The following ZNF729 variants were observed in gnomAD, a reference collection of about 807,000 sequenced individuals.
ZNF729 encodes zinc finger protein 729.
In ZNF729, 15 loss-of-function variants were observed where a neutral mutation model predicts 12.2. That is an observed-to-expected ratio of 1.23 (90% confidence interval 0.82 to 1.89). The LOEUF (loss-of-function observed/expected upper bound fraction) is 1.89, where lower values mean the gene tolerates loss of function less well. Ranked by LOEUF, ZNF729 falls within the 40% of genes most tolerant of loss-of-function variation. The pLI is 0.00. For synonymous variants in ZNF729, 492 were observed against 476.3 expected (o/e 1.03, Z -0.43); for missense variants, 1,540 against 1,456.7 (o/e 1.06, Z -0.93).
At chr19:22,294,645 T>TC (rs1228087383) in intron 1 of ZNF729, among the ~76,000 whole-genome samples, 1 of 144,176 alleles carries the variant, frequency 6.9e-6, no homozygotes, top group Admixed American at 7.0e-5. Flanking sequence ...CTTTTTTTTT[T>TC]TTTTTCTTTT....
At chr19:22,287,955 C>T (rs1968102774) in intron 1 of ZNF729, among the ~76,000 whole-genome samples, 1 of 151,486 alleles carries the variant, frequency 6.6e-6, no homozygotes, top group African/African-American at 2.4e-5. Flanking sequence ...AAGCAATTCT[C>T]CTGCCTCAAC....
At chr19:22,309,151 A>C (rs375754452) in intron 3 of ZNF729, among the ~76,000 whole-genome samples, 73 of 152,300 alleles carry the variant, frequency 4.8e-4, no homozygotes, top group African/African-American at 1.6e-3. Flanking sequence ...CCATTTGTTG[A>C]AAAGAGTATC....
chr19:22,293,475 C>G (rs182722175), intron 1 of ZNF729, among the ~76,000 whole-genome samples: 41 of 143,686 alleles, frequency 2.9e-4, no homozygotes, highest in African/African-American at 1.1e-3. Flanking sequence ...CGTGAGCCAC[C>G]ACTCCTAGCC....
chr19:22,304,019 A>T (rs111791096), intron 2 of ZNF729, 135 bp downstream of exon 2: 3 of 785,752 alleles, frequency 3.8e-6, no homozygotes, highest in Non-Finnish European at 3.6e-6. Context: ...ACAGGGATTT[A>T]TAAGTGTAGA....
chr19:22,313,606 G>T, intron 3 of ZNF729, 65 bp from the exon 4 acceptor site: 1 of 1,359,498 alleles, frequency 7.4e-7, no homozygotes, highest in Non-Finnish European at 9.6e-7. Context: ...TTATAGGTTA[G>T]ATTTGTAAAG....
chr19:22,307,888 T>TA (rs1968404942), intron 3 of ZNF729, among the ~76,000 whole-genome samples: 1 of 146,602 alleles, frequency 6.8e-6, no homozygotes, highest in African/African-American at 2.6e-5. Flanking sequence ...GTTATTGGGG[T>TA]ACAAGTGGTG....
In ZNF729 at chr19:22,314,395, C is replaced by T. The variant is rs572617462; in HGVS notation, c.978C>T (p.Gly326=). 1.3e-5 allele frequency: 20 copies of T among 1,591,356 alleles called. No individual in the cohort carries two copies. The Admixed American group carries it at 2.1e-4, about 17-fold the overall frequency. The part of the protein sequence containing the change: ...AEKPYKCEDC[G]KTFNHFSALR... ...AACCCTACAAATGTGAAGATTGTGG[C>T]AAAACTTTTAACCATTTCTCAGCCC... is the stretch of plus-strand genomic sequence containing the variant. The change falls in exon 4 of 4, where the codon GGC becomes GGT. Residue 326 remains glycine (G), a synonymous_variant. Transcript: ENST00000601693.
intron 1 of ZNF729, 37 bp downstream of exon 1, chr19:22,286,592 G>A (rs745707066): frequency 3.1e-6 from 5 of 1,613,942 alleles, no homozygotes; most frequent in East Asian, 2.2e-5. Context: ...AGAAGGGGAA[G>A]GGGCTGATTG....
At chr19:22,295,699 C>T (rs1382975139) in intron 1 of ZNF729, among the ~76,000 whole-genome samples, 4 of 152,206 alleles carry the variant, frequency 2.6e-5, no homozygotes, top group South Asian at 2.1e-4. Flanking sequence ...CGCGCCCAGT[C>T]GATATGCCAG....
At chr19:22,312,495 T>G (rs1199625214) in intron 3 of ZNF729, among the ~76,000 whole-genome samples, 1 of 149,942 alleles carries the variant, frequency 6.7e-6, no homozygotes, top group African/African-American at 2.5e-5. Flanking sequence ...AAGAACGTTA[T>G]TCAGGTTTCT....
chr19:22,307,190 A>G (rs550335355), intron 3 of ZNF729, among the ~76,000 whole-genome samples: 7 of 151,950 alleles, frequency 4.6e-5, no homozygotes, highest in African/African-American at 1.7e-4. Context: ...CTCTTGTTAT[A>G]TATGCAGAGT....
chr19:22,288,882 A>C (rs770134945), intron 1 of ZNF729, among the ~76,000 whole-genome samples: 25 of 152,192 alleles, frequency 1.6e-4, no homozygotes, highest in South Asian at 4.1e-4. Flanking sequence ...AAGAAAAAAA[A>C]ACAGTGATCC....
rs547806919 is a variant in ZNF729 at position 22,287,965 on chromosome 19, C to A, written c.30+1410C>A. Among the ~76,000 whole-genome samples, 10 of 151,796 alleles carry A rather than the reference C, an allele frequency of 6.6e-5. No individual in the cohort carries two copies. In the South Asian group the frequency reaches 1.5e-3, roughly 22 times the overall value. On this transcript the variant is annotated intron_variant, in intron 1 of 3. Coordinates refer to ENST00000601693, the MANE Select transcript of ZNF729 (RefSeq NM_001242680.2). ...GGTTCAAGCAATTCTCCTGCCTCAA[C>A]CTCCTGAGTAGCTGGGACTACAGGC...
In ZNF729 at chr19:22,314,280, G is replaced by A; in HGVS notation, c.863G>A (p.Gly288Glu). The A allele has an allele frequency of 6.2e-7, 1 of 1,610,330 alleles. No individual in the cohort carries two copies. The highest frequency in any genetic ancestry group is 8.5e-7 in the Non-Finnish European group (1 of 1,178,932). Residue 288 changes from glycine to glutamate, a missense_variant, in exon 4 of 4, where the codon GGA becomes GAA. Coordinates refer to ENST00000601693, the MANE Select transcript of ZNF729 (RefSeq NM_001242680.2). ...NLTDHKRIHT[G>E]EKTYKCEECG... ...ACTGACCATAAGAGAATTCATACTGGAGAGAAAACCTACAAATGTGAAGAA... is the reference window on the plus strand; with the variant it reads ...ACTGACCATAAGAGAATTCATACTGAAGAGAAAACCTACAAATGTGAAGAA...
intron 2 of ZNF729, 34 bp from the exon 3 acceptor site, chr19:22,304,654 C>T (rs1968356721): frequency 6.4e-7 from 1 of 1,553,130 alleles, no homozygotes; most frequent in African/African-American, 1.4e-5. Context: ...GGTAATATGA[C>T]CAATATTTAT....
At position 22,301,193 on chromosome 19, in the gene ZNF729, T is replaced by C. The variant is rs58416577; in HGVS notation, c.31-2565T>C. ...ATGTTATTCCTGTAAATAATAAAAA[T>C]TTCTGACAAACAACTTTGTATCAAC... is the stretch of plus-strand genomic sequence containing the variant. On this transcript the variant is annotated intron_variant, in intron 1 of 3. Coordinates refer to ENST00000601693, the MANE Select transcript of ZNF729 (RefSeq NM_001242680.2). Among the ~76,000 whole-genome samples, 729 of 152,292 alleles carry C rather than the reference T, an allele frequency of 4.8e-3. 8 individuals carry two copies. The highest frequency in any genetic ancestry group is 0.015 in the South Asian group (71 of 4,828).
intron 1 of ZNF729, among the ~76,000 whole-genome samples, chr19:22,294,901 C>G (rs1376473749): frequency 6.6e-6 from 1 of 151,954 alleles, no homozygotes; most frequent in Non-Finnish European, 1.5e-5. Context: ...AAATGACCCA[C>G]CCGGCTCGGC....
At chr19:22,300,362 G>A (rs1968288560) in intron 1 of ZNF729, among the ~76,000 whole-genome samples, 1 of 152,124 alleles carries the variant, frequency 6.6e-6, no homozygotes, top group African/African-American at 2.4e-5. Flanking sequence ...TCACATTCAG[G>A]TTTAATTGTG....
intron 3 of ZNF729, among the ~76,000 whole-genome samples, chr19:22,306,496 TTA>T (rs1968379466): frequency 6.7e-6 from 1 of 149,142 alleles, no homozygotes; most frequent in African/African-American, 2.5e-5. Context: ...TTGTTCTGTT[TTA>T]TGTTTTTTTT....
Sources: gnomAD v4.1 joint callset for allele counts (sites outside exome capture counted in the v4.1 genomes callset) on GRCh38, gnomAD v4.1.1 for gene constraint, MANE v1.5 for transcripts, NCBI Gene and HGNC (gene_info 2026-07-23, HGNC 2026-07-21) for gene names.